The following SRPX variants were observed in gnomAD, a reference collection of about 807,000 sequenced individuals.
The protein encoded by SRPX is sushi repeat-containing protein SRPX.
SRPX carries 24 observed loss-of-function variants against 38.1 expected under a neutral mutation model. The ratio of observed to expected loss-of-function variants is 0.63; its 90% CI spans 0.46 to 0.89. The LOEUF (loss-of-function observed/expected upper bound fraction) is 0.89, where lower values mean the gene tolerates loss of function less well. SRPX is among the 40% of genes least tolerant of loss of function. The pLI is 0.00. For missense variants in SRPX, 416 were observed against 377.8 expected, an observed-to-expected ratio of 1.10 and a Z score of -0.84; for synonymous variants, 184 against 153.8, an observed-to-expected ratio of 1.20 and a Z score of -1.45.
At chrX:38,207,452 C>T (rs1316727567) in intron 1 of SRPX, among the ~76,000 whole-genome samples, 1 of 112,286 alleles carries the variant, frequency 8.9e-6, no homozygotes, top group African/African-American at 3.2e-5. Context: ...CCCCAGTCAA[C>T]ACAGACAGAC....
intron 1 of SRPX, among the ~76,000 whole-genome samples, chrX:38,209,001 T>TG (rs35792519): frequency 2.9e-5 from 3 of 101,855 alleles, no homozygotes; most frequent in Non-Finnish European, 3.9e-5. Flanking sequence ...TATATATATA[T>TG]TTTTTTTTTG....
At chrX:38,208,745 C>G (rs1939259087) in intron 1 of SRPX, among the ~76,000 whole-genome samples, 1 of 109,835 alleles carries the variant, frequency 9.1e-6, no homozygotes, top group African/African-American at 3.3e-5. Context: ...AGTGCATGAT[C>G]ATGGCTCACT....
intron 7 of SRPX, among the ~76,000 whole-genome samples, chrX:38,159,297 GTCTC>G (rs910442003): frequency 1.8e-5 from 2 of 112,227 alleles, no homozygotes; most frequent in Non-Finnish European, 3.8e-5. Context: ...TGGTATATAT[GTCTC>G]TCTGTCACTT....
intron 1 of SRPX, among the ~76,000 whole-genome samples, chrX:38,216,414 C>A (rs989782595): frequency 1.8e-5 from 2 of 112,979 alleles, no homozygotes; most frequent in Non-Finnish European, 3.7e-5. Context: ...CTGGGCAGAG[C>A]CCAGGATTTA....
At position 38,161,005 on chromosome X, in the gene SRPX, G is replaced by A. The variant is rs1421055810; in HGVS notation, c.703C>T (p.His235Tyr). 8.3e-7 allele frequency: 1 copy of A among 1,210,161 alleles called. No homozygotes were observed. The highest frequency in any genetic ancestry group is 1.1e-6 in the Non-Finnish European group (1 of 894,733). ...TCATAGACTGTGTACTGGATCTTGTGGTCTCCTTCTGGAAAGTTGGAGCCT... is the reference window on the plus strand; with the variant it reads ...TCATAGACTGTGTACTGGATCTTGTAGTCTCCTTCTGGAAAGTTGGAGCCT... ...PPGSNFPEGD[H>Y]KIQYTVYDRA... Residue 235 changes from histidine to tyrosine, a missense_variant, in exon 6 of 10, where the codon CAC becomes TAC. Physicochemically the swap from His to Tyr is moderately conservative, Grantham distance 83 (BLOSUM62 2). Coordinates refer to ENST00000378533, the MANE Select transcript of SRPX (RefSeq NM_006307.5).
chrX:38,190,430 C>A (rs1430886294), intron 1 of SRPX, among the ~76,000 whole-genome samples: 1 of 111,727 alleles, frequency 9.0e-6, no homozygotes, highest in Non-Finnish European at 1.9e-5. Flanking sequence ...CACGAGCACC[C>A]AAGAACAAAA....
At chrX:38,180,240 G>A (rs1334820035) in intron 1 of SRPX, among the ~76,000 whole-genome samples, 1 of 111,558 alleles carries the variant, frequency 9.0e-6, no homozygotes, top group Non-Finnish European at 1.9e-5. Context: ...ACAGCATTTA[G>A]TATGAATGAC....
chrX:38,199,460 T>C (rs1939069601), intron 1 of SRPX, among the ~76,000 whole-genome samples: 1 of 110,226 alleles, frequency 9.1e-6, no homozygotes, highest in Admixed American at 9.7e-5. Flanking sequence ...ATTTCAGAGG[T>C]GAGACTCTGG....
At chrX:38,212,480 A>C (rs1267589267) in intron 1 of SRPX, among the ~76,000 whole-genome samples, 2 of 111,597 alleles carry the variant, frequency 1.8e-5, no homozygotes, top group Non-Finnish European at 3.8e-5. Flanking sequence ...GTACTTCCTA[A>C]ATTTCATCAT....
chrX:38,168,433 C>T (rs1231955220), intron 4 of SRPX, among the ~76,000 whole-genome samples: 1 of 111,860 alleles, frequency 8.9e-6, no homozygotes, highest in Non-Finnish European at 1.9e-5. Flanking sequence ...TTGAATCCTC[C>T]AGCTCCACTT....
chrX:38,159,412 T>C, intron 7 of SRPX, among the ~76,000 whole-genome samples: 1 of 112,814 alleles, frequency 8.9e-6, no homozygotes, highest in Admixed American at 9.3e-5. Context: ...ACATACATAA[T>C]TTTCTGGCTA....
intron 1 of SRPX, among the ~76,000 whole-genome samples, chrX:38,210,373 C>T (rs1939297437): frequency 8.9e-6 from 1 of 112,104 alleles, no homozygotes; most frequent in Non-Finnish European, 1.9e-5. Flanking sequence ...AGCAGTCCTG[C>T]AATAAAGAAA....
chrX:38,154,734 G>C (rs1015377498), intron 8 of SRPX, 151 bp from the exon 9 acceptor site: 1 of 706,678 alleles, frequency 1.4e-6, no homozygotes, highest in African/African-American at 2.2e-5. Context: ...AGAAATTGGG[G>C]TTAAGATAGT....
intron 8 of SRPX, among the ~76,000 whole-genome samples, chrX:38,155,099 G>A (rs1339803634): frequency 9.1e-6 from 1 of 109,789 alleles, no homozygotes; most frequent in Non-Finnish European, 1.9e-5. Context: ...CCACGAGGAG[G>A]GCTCATCAGG....
rs35523939 is a variant in SRPX at position 38,220,722 on chromosome X, C to CGCAGCAGCA, written c.62_70dup (p.Leu21_Leu23dup). 3 of 1,154,361 alleles carry CGCAGCAGCA rather than the reference C, an allele frequency of 2.6e-6. No individual in the cohort carries two copies. Among genetic ancestry groups the CGCAGCAGCA allele is most frequent in the Non-Finnish European group, 3.5e-6 (3 of 868,243 alleles). Reference sequence around the variant, plus strand: ...TGGGAAGCTGCGGCTGGGCGGGACGCGCAGCAGCAGCAGCAGCAGCAGAGG... The same window carrying CGCAGCAGCA: ...TGGGAAGCTGCGGCTGGGCGGGACGCGCAGCAGCAGCAGCAGCAGCAGCAGCAGCAGAGG... On this transcript the variant is annotated inframe_insertion, in exon 1 of 10. Coordinates refer to ENST00000378533, the MANE Select transcript of SRPX (RefSeq NM_006307.5).
intron 1 of SRPX, among the ~76,000 whole-genome samples, chrX:38,191,473 A>G (rs1407699530): frequency 8.9e-6 from 1 of 111,748 alleles, no homozygotes; most frequent in Non-Finnish European, 1.9e-5. Flanking sequence ...AATAGCAGAT[A>G]CTTATAATAT....
chrX:38,220,422 T>C (rs962521497), intron 1 of SRPX, among the ~76,000 whole-genome samples: 2 of 113,409 alleles, frequency 1.8e-5, no homozygotes, highest in South Asian at 7.2e-4. Context: ...AAGGGTTTGA[T>C]TGGAACTCTG....
chrX:38,213,929 C>T (rs1010566359), intron 1 of SRPX, among the ~76,000 whole-genome samples: 14 of 111,436 alleles, frequency 1.3e-4, no homozygotes, highest in Non-Finnish European at 2.3e-4. Flanking sequence ...ATGAGAAATC[C>T]GCCCCCCATG....
chrX:38,192,683 C>G (rs1397334756), intron 1 of SRPX, among the ~76,000 whole-genome samples: 1 of 112,452 alleles, frequency 8.9e-6, no homozygotes, highest in South Asian at 3.7e-4. Context: ...AATACAGGAG[C>G]CTGCAGGCAT....
Sources: gnomAD v4.1 joint callset for allele counts (sites outside exome capture counted in the v4.1 genomes callset) on GRCh38, gnomAD v4.1.1 for gene constraint, MANE v1.5 for transcripts, NCBI Gene and HGNC (gene_info 2026-07-23, HGNC 2026-07-21) for gene names.